The following LRP1B variants were observed in gnomAD, a reference collection of about 807,000 sequenced individuals.
LRP1B encodes low-density lipoprotein receptor-related protein 1B.
In LRP1B, 217 loss-of-function variants were observed where a neutral mutation model predicts 556.6. The observed-to-expected ratio is 0.39, with a 90% CI of 0.35 to 0.44. The LOEUF is 0.44. Among genes scored for constraint, LRP1B ranks in the 20% least tolerant of loss-of-function variants. The probability of loss-of-function intolerance (pLI) is 1.00; values close to 1 mark genes in which losing one functional copy is unlikely to be tolerated. For synonymous variants in LRP1B, 2,047 were observed against 1,865.8 expected, an observed-to-expected ratio of 1.10 and a Z score of -2.50; for missense variants, 5,053 against 5,620.8, an observed-to-expected ratio of 0.90 and a Z score of 3.23.
At chr2:140,986,673 T>G (rs80292602) in intron 17 of LRP1B, among the ~76,000 whole-genome samples, 2 of 152,172 alleles carry the variant, frequency 1.3e-5, no homozygotes, top group East Asian at 3.9e-4. Context: ...TGTGCTTCCA[T>G]GTGGATCAAC....
chr2:140,573,407 C>T (rs1405550206), intron 43 of LRP1B, among the ~76,000 whole-genome samples: 2 of 151,774 alleles, frequency 1.3e-5, no homozygotes, highest in Non-Finnish European at 3.0e-5. Context: ...TTATGACTCC[C>T]AACAGACTAT....
intron 7 of LRP1B, among the ~76,000 whole-genome samples, chr2:141,110,316 C>CA (rs5834806): frequency 4.1e-4 from 62 of 151,752 alleles, no homozygotes; most frequent in African/African-American, 1.4e-3. Flanking sequence ...TATATTAAGC[C>CA]AAAAAAATGC....
At chr2:140,701,325 TG>T (rs1459088571) in intron 40 of LRP1B, among the ~76,000 whole-genome samples, 34 of 152,240 alleles carry the variant, frequency 2.2e-4, no homozygotes, top group African/African-American at 8.2e-4. Context: ...GCATCACCTT[TG>T]GGATCATAAC....
chr2:140,324,911 A>G (rs1680384398), intron 80 of LRP1B, among the ~76,000 whole-genome samples: 1 of 151,722 alleles, frequency 6.6e-6, no homozygotes, highest in South Asian at 2.1e-4. Flanking sequence ...GATTAAAAAA[A>G]AAACACACAC....
chr2:140,482,848 C>T (rs78079430), intron 59 of LRP1B, among the ~76,000 whole-genome samples: 11,898 of 152,146 alleles, frequency 0.078, 655 homozygotes, highest in Non-Finnish European at 0.12. Flanking sequence ...CTCAAGGAAA[C>T]GGTAGTCAGT....
intron 23 of LRP1B, among the ~76,000 whole-genome samples, chr2:140,896,430 A>T (rs1693956306): frequency 1.3e-5 from 2 of 152,298 alleles, no homozygotes; most frequent in Non-Finnish European, 2.9e-5. Flanking sequence ...AATAAAAAAA[A>T]GATGAGAGAA....
At chr2:141,815,893 C>G (rs994938819) in intron 1 of LRP1B, among the ~76,000 whole-genome samples, 1 of 151,546 alleles carries the variant, frequency 6.6e-6, no homozygotes, top group African/African-American at 2.4e-5. Context: ...GTGAACCCAC[C>G]GGAAGGAACC....
At chr2:140,990,083 T>C (rs1013984447) in intron 16 of LRP1B, among the ~76,000 whole-genome samples, 2 of 152,180 alleles carry the variant, frequency 1.3e-5, no homozygotes, top group South Asian at 4.1e-4. Context: ...GGCGCATGCC[T>C]GTAATCCCAG....
intron 11 of LRP1B, among the ~76,000 whole-genome samples, chr2:141,035,840 T>C (rs748362314): frequency 3.1e-4 from 47 of 152,268 alleles, no homozygotes; most frequent in Admixed American, 1.2e-3. Flanking sequence ...ACTGTGGATA[T>C]TTAAAGCATC....
chr2:140,838,648 G>A (rs1691998045), intron 31 of LRP1B, among the ~76,000 whole-genome samples: 1 of 151,868 alleles, frequency 6.6e-6, no homozygotes, highest in Admixed American at 6.6e-5. Context: ...TCTTTTCCCA[G>A]ATTCAAAAAA....
intron 7 of LRP1B, among the ~76,000 whole-genome samples, chr2:141,165,344 G>A (rs377015218): frequency 2.6e-5 from 4 of 151,406 alleles, no homozygotes; most frequent in African/African-American, 9.7e-5. Context: ...TCTTATTTTT[G>A]TTTATTTATT....
rs748907032 is a variant in LRP1B, at chr2:140,495,741, C to A, written c.8858G>T (p.Cys2953Phe). The A allele has an allele frequency of 6.2e-7, 1 of 1,601,976 alleles. No individual in the cohort carries two copies. Among genetic ancestry groups the A allele is most frequent in the African/African-American group, 1.3e-5 (1 of 74,892 alleles). Residue 2953 changes from cysteine (C) to phenylalanine (F), a missense_variant, in exon 56 of 91, where the codon TGC becomes TTC. Cys to Phe is a radical substitution (Grantham distance 205). This residue lies in a region of LRP1B where 3,619 missense variants were observed against 3,931.9 expected (regional missense o/e 0.92). Coordinates refer to ENST00000389484, the MANE Select transcript of LRP1B (RefSeq NM_018557.3). ...ATCCTTCAGTTGGAATCCAGGCCAG[C>A]ATTTGCACTGGGAAAAGAAAAATGA... ...QDLPVSYKCK[C>F]WPGFQLKDDG...
At chr2:141,792,610 T>C (rs2105665410) in intron 2 of LRP1B, among the ~76,000 whole-genome samples, 2 of 152,100 alleles carry the variant, frequency 1.3e-5, no homozygotes, top group Admixed American at 1.3e-4. Flanking sequence ...AGTTTCCTAA[T>C]GCTTCATAAA....
intron 60 of LRP1B, among the ~76,000 whole-genome samples, chr2:140,466,084 G>T (rs1043533745): frequency 1.3e-5 from 2 of 150,718 alleles, no homozygotes; most frequent in Admixed American, 6.6e-5. Context: ...TGCAGGTCGG[G>T]GGGTGGGAAG....
At chr2:142,115,725 TA>T (rs1289476481) in intron 1 of LRP1B, among the ~76,000 whole-genome samples, 3 of 39,862 alleles carry the variant, frequency 7.5e-5, no homozygotes, top group Non-Finnish European at 1.3e-4. Flanking sequence ...GTAATATATA[TA>T]TAATATATAT....
chr2:140,906,040 G>A (rs1432507495), intron 22 of LRP1B, among the ~76,000 whole-genome samples: 1 of 152,070 alleles, frequency 6.6e-6, no homozygotes, highest in African/African-American at 2.4e-5. Flanking sequence ...CCATAGAAAA[G>A]GCAATCTAAT....
At chr2:141,036,592 T>C (rs1328551199) in intron 11 of LRP1B, among the ~76,000 whole-genome samples, 1 of 152,040 alleles carries the variant, frequency 6.6e-6, no homozygotes, top group Non-Finnish European at 1.5e-5. Flanking sequence ...CAAAGTAAGC[T>C]GCAAAGACAA....
chr2:140,604,589 G>A (rs62172827), intron 41 of LRP1B, among the ~76,000 whole-genome samples: 6,530 of 152,238 alleles, frequency 0.043, 210 homozygotes, highest in Non-Finnish European at 0.063. Context: ...CAGGATAAGA[G>A]CTTACCAAAT....
At chr2:141,596,177 A>G (rs1290426967) in intron 2 of LRP1B, among the ~76,000 whole-genome samples, 1 of 152,044 alleles carries the variant, frequency 6.6e-6, no homozygotes, top group East Asian at 1.9e-4. Context: ...TACCCAGGGT[A>G]TACATCTTTG....
Sources: allele counts gnomAD v4.1 joint callset (sites outside exome capture counted in the v4.1 genomes callset), GRCh38; gene constraint gnomAD v4.1.1; regional missense constraint gnomAD v4.1.1; transcripts MANE v1.5; gene names NCBI Gene and HGNC (gene_info 2026-07-23, HGNC 2026-07-21).